The following WDR7 variants were observed in gnomAD, a reference collection of about 807,000 sequenced individuals.
WDR7 encodes the protein WD repeat domain 7.
WDR7 carries 46 observed loss-of-function variants against 169.4 expected under a neutral mutation model. The ratio of observed to expected loss-of-function variants is 0.27; its 90% CI spans 0.21 to 0.35. The LOEUF is 0.35. Among genes scored for constraint, WDR7 ranks in the 10% least tolerant of loss-of-function variants. WDR7 has a pLI of 1.00. For synonymous variants in WDR7, 612 were observed against 666.8 expected (o/e 0.92, Z 1.27); for missense variants, 1,534 against 1,859.3 (o/e 0.83, Z 3.22).
chr18:56,859,261 T>G (rs1300933188), intron 20 of WDR7, among the ~76,000 whole-genome samples: 1 of 152,212 alleles, frequency 6.6e-6, no homozygotes, highest in East Asian at 1.9e-4. Flanking sequence ...ACTTTCCTAT[T>G]AAGCTCTGAT....
chr18:56,892,562 T>C (rs1203469559), intron 21 of WDR7, among the ~76,000 whole-genome samples: 2 of 152,074 alleles, frequency 1.3e-5, no homozygotes, highest in Non-Finnish European at 1.5e-5. Flanking sequence ...AACACAGCCA[T>C]ACCCATGTGT....
chr18:56,681,414 C>T (rs1269250191), intron 4 of WDR7, 23 bp downstream of exon 4: 5 of 1,468,348 alleles, frequency 3.4e-6, no homozygotes, highest in South Asian at 1.3e-5. Context: ...TTCTGTGACT[C>T]TAAGTACAAA....
intron 13 of WDR7, among the ~76,000 whole-genome samples, chr18:56,723,501 C>G (rs543319270): frequency 9.2e-5 from 14 of 152,184 alleles, no homozygotes; most frequent in African/African-American, 3.4e-4. Context: ...TCTAGGTCAA[C>G]AGGTTTTTGT....
At chr18:56,841,917 T>C (rs770256529) in intron 20 of WDR7, among the ~76,000 whole-genome samples, 1 of 152,208 alleles carries the variant, frequency 6.6e-6, no homozygotes, top group Non-Finnish European at 1.5e-5. Flanking sequence ...TTAATAAAAA[T>C]GTTTTATGTT....
chr18:56,794,304 A>ATTTTTTTTTTTT (rs566857049), intron 19 of WDR7, among the ~76,000 whole-genome samples: 1,065 of 49,432 alleles, frequency 0.022, 331 homozygotes, highest in African/African-American at 0.038. Context: ...GGTAAAGTCT[A>ATTTTTTTTTTTT]TTTTTTTTTT....
intron 26 of WDR7, among the ~76,000 whole-genome samples, chr18:56,992,193 A>G (rs932034227): frequency 1.3e-5 from 2 of 152,250 alleles, no homozygotes; most frequent in African/African-American, 4.8e-5. Flanking sequence ...AGCTAGACCT[A>G]TCAGTAGCAA....
chr18:57,016,151 G>C (rs1412377777), intron 26 of WDR7, among the ~76,000 whole-genome samples: 1 of 152,062 alleles, frequency 6.6e-6, no homozygotes, highest in East Asian at 1.9e-4. Flanking sequence ...GCAACTGCCT[G>C]ACTTAATCTA....
intron 26 of WDR7, among the ~76,000 whole-genome samples, chr18:57,000,738 T>G (rs1012232729): frequency 1.3e-5 from 2 of 152,200 alleles, no homozygotes; most frequent in African/African-American, 4.8e-5. Flanking sequence ...AAAGCTTTCT[T>G]CTTGTAAAAG....
intron 21 of WDR7, among the ~76,000 whole-genome samples, chr18:56,881,890 CT>C (rs1450480529): frequency 1.3e-5 from 2 of 152,310 alleles, no homozygotes; most frequent in East Asian, 3.9e-4. Context: ...CTGGCTATAA[CT>C]TTACAATTTA....
chr18:56,828,279 A>G (rs534451666), intron 20 of WDR7, among the ~76,000 whole-genome samples: 1 of 152,338 alleles, frequency 6.6e-6, no homozygotes, highest in East Asian at 1.9e-4. Context: ...CTTTTATCAC[A>G]TTTATTGTCT....
intron 21 of WDR7, among the ~76,000 whole-genome samples, chr18:56,904,830 C>G (rs1276690862): frequency 6.6e-6 from 1 of 152,074 alleles, no homozygotes; most frequent in Non-Finnish European, 1.5e-5. Flanking sequence ...GTGGTGTGGT[C>G]ATCTCCAGAT....
At chr18:56,768,919 T>C (rs1222834079) in intron 16 of WDR7, among the ~76,000 whole-genome samples, 1 of 152,198 alleles carries the variant, frequency 6.6e-6, no homozygotes, top group Non-Finnish European at 1.5e-5. Context: ...TAAAGATAGT[T>C]AAGATAGTTC....
At chr18:56,695,537 CT>C (rs774362260) in intron 11 of WDR7, among the ~76,000 whole-genome samples, 5,226 of 139,250 alleles carry the variant, frequency 0.038, 249 homozygotes, top group African/African-American at 0.12. Flanking sequence ...CAATAGAAAT[CT>C]TTTTTTTTTT....
intron 26 of WDR7, among the ~76,000 whole-genome samples, chr18:57,013,921 A>G (rs1045612977): frequency 6.6e-6 from 1 of 152,212 alleles, no homozygotes; most frequent in Non-Finnish European, 1.5e-5. Flanking sequence ...GGTGATCATC[A>G]GCCACAATTG....
Position 56,679,414 on chromosome 18 carries a change from A to G in WDR7, c.242A>G (p.Tyr81Cys), listed in dbSNP as rs2025311304. 1.2e-6 allele frequency: 2 copies of G among 1,609,424 alleles called. No individual in the cohort carries two copies. The highest frequency in any genetic ancestry group is 3.3e-5 in the Admixed American group (2 of 59,956). The change falls in exon 3 of 28, where the codon TAT (tyrosine) becomes TGT (cysteine). Residue 81 changes from tyrosine (Y) to cysteine (C), a missense_variant. Coordinates refer to ENST00000254442, the MANE Select transcript of WDR7 (RefSeq NM_015285.3). ...SKACASSDKQ[Y>C]IVSASESGEM... Reference sequence around the variant, plus strand: ...GCTTGTGCTTCCAGTGACAAACAGTATATTGTGAGTGCATCTGAAAGTGGG... The same window carrying G: ...GCTTGTGCTTCCAGTGACAAACAGTGTATTGTGAGTGCATCTGAAAGTGGG...
intron 12 of WDR7, among the ~76,000 whole-genome samples, chr18:56,706,108 A>G (rs1468712523): frequency 6.6e-6 from 1 of 152,252 alleles, no homozygotes; most frequent in East Asian, 1.9e-4. Flanking sequence ...TAGGTAGGGA[A>G]GAAAAAAGTA....
chr18:56,690,328 G>A (rs577139680), intron 7 of WDR7, among the ~76,000 whole-genome samples: 1 of 152,168 alleles, frequency 6.6e-6, no homozygotes, highest in African/African-American at 2.4e-5. Context: ...CCTTGCAAAT[G>A]TAAAGCCCTA....
At chr18:56,774,977 A>G (rs539481637) in intron 16 of WDR7, among the ~76,000 whole-genome samples, 70 of 152,232 alleles carry the variant, frequency 4.6e-4, no homozygotes, top group Middle Eastern at 3.4e-3. Context: ...CCTTAAAAAT[A>G]GTTAATATGT....
chr18:56,961,239 C>G (rs1349129564), intron 25 of WDR7, among the ~76,000 whole-genome samples: 3 of 152,102 alleles, frequency 2.0e-5, no homozygotes, highest in Non-Finnish European at 4.4e-5. Context: ...CTCTCTCAGC[C>G]TCTATTACTA....
Sources: allele counts gnomAD v4.1 joint callset (sites outside exome capture counted in the v4.1 genomes callset), GRCh38; gene constraint gnomAD v4.1.1; transcripts MANE v1.5; gene names NCBI Gene and HGNC (gene_info 2026-07-23, HGNC 2026-07-21).